EPS15L1: variants seen among roughly 807,000 people sequenced by gnomAD.
The protein encoded by EPS15L1 is epidermal growth factor receptor substrate 15-like 1.
A neutral mutation model predicts 117.1 loss-of-function variants in EPS15L1; 43 were observed. The observed-to-expected ratio is 0.37, with a 90% CI of 0.29 to 0.47. EPS15L1 has a LOEUF of 0.47. EPS15L1 is among the 20% of genes least tolerant of loss of function. The pLI is 0.99. For synonymous variants in EPS15L1, 459 were observed against 470.5 expected (o/e 0.98, Z 0.32); for missense variants, 981 against 1,164.0 (o/e 0.84, Z 2.29).
chr19:16,403,230 G>A (rs958381027), intron 15 of EPS15L1, among the ~76,000 whole-genome samples: 2 of 151,674 alleles, frequency 1.3e-5, no homozygotes, highest in East Asian at 3.9e-4. Flanking sequence ...AGAAGCCAGC[G>A]CCCCCCCCTG....
intron 16 of EPS15L1, among the ~76,000 whole-genome samples, chr19:16,399,334 C>T (rs971579992): frequency 1.2e-4 from 19 of 152,118 alleles, no homozygotes; most frequent in Non-Finnish European, 2.2e-4. Context: ...GAGAACAGAC[C>T]CATCTGCCAA....
intron 22 of EPS15L1, among the ~76,000 whole-genome samples, chr19:16,373,913 A>T (rs1420545925): frequency 6.6e-6 from 1 of 152,240 alleles, no homozygotes; most frequent in Admixed American, 6.5e-5. Flanking sequence ...GTCTGTACCT[A>T]CCACCCAGCA....
chr19:16,419,321 T>A (rs976067673), intron 10 of EPS15L1, among the ~76,000 whole-genome samples: 1 of 152,106 alleles, frequency 6.6e-6, no homozygotes, highest in Non-Finnish European at 1.5e-5. Context: ...TAGCCGGGCA[T>A]GGTGGCGCGC....
intron 22 of EPS15L1, among the ~76,000 whole-genome samples, chr19:16,372,346 T>C (rs991468660): frequency 1.1e-4 from 16 of 152,166 alleles, no homozygotes; most frequent in African/African-American, 3.6e-4. Flanking sequence ...TTCACCTCAA[T>C]TGACCTTTAA....
At chr19:16,357,991 C>G (rs1168791190) in intron 23 of EPS15L1, 1 of 152,274 alleles carries the variant, frequency 6.6e-6, no homozygotes, top group Non-Finnish European at 1.5e-5. Flanking sequence ...GTGCAGCTGA[C>G]GGGGACCTCA....
intron 13 of EPS15L1, among the ~76,000 whole-genome samples, chr19:16,408,887 G>A (rs2092681803): frequency 1.3e-5 from 2 of 152,136 alleles, no homozygotes; most frequent in African/African-American, 2.4e-5. Context: ...CCTTGACAAG[G>A]ATGCTAGGGC....
chr19:16,357,111 C>T (rs1568383331), intron 23 of EPS15L1: 2 of 152,570 alleles, frequency 1.3e-5, no homozygotes, highest in African/African-American at 4.8e-5. Context: ...CAGACTAACC[C>T]AGGAAGGTGG....
intron 8 of EPS15L1, among the ~76,000 whole-genome samples, chr19:16,428,377 CAA>C (rs1213684745): frequency 2.9e-5 from 2 of 68,538 alleles, no homozygotes; most frequent in Non-Finnish European, 6.2e-5. Flanking sequence ...CATCTAAAAA[CAA>C]AAAAAAAAAG....
intron 9 of EPS15L1, among the ~76,000 whole-genome samples, chr19:16,422,526 A>G (rs1484698945): frequency 2.0e-5 from 3 of 152,188 alleles, no homozygotes; most frequent in Admixed American, 6.5e-5. Flanking sequence ...GAGAAAAAGG[A>G]CAGGCAAATG....
In EPS15L1 at chr19:16,441,970, T is replaced by C. The variant is rs376565550; in HGVS notation, c.87A>G (p.Ala29=). 2.3e-5 allele frequency: 37 copies of C among 1,613,386 alleles called. No individual in the cohort carries two copies. Among genetic ancestry groups the C allele is most frequent in the Non-Finnish European group, 2.9e-5 (34 of 1,179,794 alleles). Reference sequence around the variant, plus strand: ...CACTCGCCCCCACCCTCCCTGTGTATGCCGGATCGACCTGAAATGGGAGAC... The same window carrying C: ...CACTCGCCCCCACCCTCCCTGTGTACGCCGGATCGACCTGAAATGGGAGAC... ...YESYYKQVDP[A]YTGRVGASEA... Residue 29 remains alanine, a synonymous_variant, in exon 3 of 24, where the codon GCA becomes GCG. Coordinates refer to ENST00000455140, the MANE Select transcript of EPS15L1 (RefSeq NM_001258374.3).
At chr19:16,462,375 G>A (rs112508806) in intron 1 of EPS15L1, among the ~76,000 whole-genome samples, 5 of 151,356 alleles carry the variant, frequency 3.3e-5, no homozygotes, top group East Asian at 1.9e-4. Context: ...TCAGGGAAGT[G>A]GGGGGGAGGG....
chr19:16,408,085 C>A lies in EPS15L1; in HGVS notation c.1267-3336G>T, dbSNP rs532206086. Among the ~76,000 whole-genome samples the A allele has an allele frequency of 6.6e-5, 10 of 152,148 alleles. No individual in the cohort carries two copies. In the East Asian group the frequency reaches 1.9e-3, roughly 29 times the overall value. Reference sequence around the variant, plus strand: ...AAGGGAAGATGGGAAGAGCGTTAGGCCGGATGGGGTAGCTCTGGACACCAG... The same window carrying A: ...AAGGGAAGATGGGAAGAGCGTTAGGACGGATGGGGTAGCTCTGGACACCAG... On this transcript the variant is annotated intron_variant, in intron 13 of 23. Transcript: ENST00000455140.
At chr19:16,414,620 T>C (rs929049940) in intron 12 of EPS15L1, among the ~76,000 whole-genome samples, 9 of 151,972 alleles carry the variant, frequency 5.9e-5, no homozygotes, top group Non-Finnish European at 1.0e-4. Context: ...AGGATAGTCT[T>C]GATCTCCTGA....
At chr19:16,387,570 G>T (rs531488514) in intron 19 of EPS15L1, among the ~76,000 whole-genome samples, 5 of 152,200 alleles carry the variant, frequency 3.3e-5, no homozygotes, top group Non-Finnish European at 7.3e-5. Flanking sequence ...TTATGCCATT[G>T]CACTGCAGCC....
At position 16,436,963 on chromosome 19, in the gene EPS15L1, A is replaced by G; in HGVS notation, c.346T>C (p.Ser116Pro). Reference protein sequence around the residue: ...TSSPLMVTPPSAEAHWAVRVE... With the variant: ...TSSPLMVTPPPAEAHWAVRVE... ...CTCACAGCCCAGTGGGCCTCTGCAG[A>G]GGGCGGTGTGACCATCAGAGGGCTG... is the stretch of plus-strand genomic sequence containing the variant. Residue 116 changes from serine (S) to proline (P), a missense_variant, in exon 6 of 24, where the codon TCT becomes CCT. Physicochemically the swap from Ser to Pro is moderately conservative, Grantham distance 74. Coordinates refer to ENST00000455140, the MANE Select transcript of EPS15L1 (RefSeq NM_001258374.3). The G allele has an allele frequency of 6.2e-7, 1 of 1,614,094 alleles. No individual in the cohort carries two copies. The highest frequency in any genetic ancestry group is 8.5e-7 in the Non-Finnish European group (1 of 1,179,932).
intron 7 of EPS15L1, 136 bp from the exon 8 acceptor site, chr19:16,428,897 C>T (rs553460934): frequency 1.5e-6 from 1 of 662,996 alleles, no homozygotes; most frequent in South Asian, 1.8e-5. Flanking sequence ...ATTTCAGGAC[C>T]AGTCCGCGAG....
chr19:16,385,191 G>A lies in EPS15L1; in HGVS notation c.2185C>T (p.Pro729Ser). Residue 729 changes from proline to serine, a missense_variant, in exon 21 of 24, where the codon CCC becomes TCC. This residue lies in a region of EPS15L1 where 819 missense variants were observed against 949.0 expected (regional missense o/e 0.86). Coordinates refer to ENST00000455140, the MANE Select transcript of EPS15L1 (RefSeq NM_001258374.3). ...KGSDPFGTLD[P>S]FGSGSFNSAE... ...CTATTGAAGGACCCACTTCCGAAGG[G>A]ATCTAAGGTTCCAAAGGGATCTGCA... is the stretch of plus-strand genomic sequence containing the variant. 2 of 1,614,106 alleles carry A rather than the reference G, an allele frequency of 1.2e-6. No individual in the cohort carries two copies. The highest frequency in any genetic ancestry group is 1.7e-6 in the Non-Finnish European group (2 of 1,180,002).
intron 1 of EPS15L1, among the ~76,000 whole-genome samples, chr19:16,464,181 G>A (rs2093278901): frequency 6.6e-6 from 1 of 152,242 alleles, no homozygotes; most frequent in South Asian, 2.1e-4. Flanking sequence ...AGGCAGTGCA[G>A]ATGGAAATCC....
chr19:16,418,225 C>A, intron 10 of EPS15L1, 121 bp from the exon 11 acceptor site: 1 of 1,094,098 alleles, frequency 9.1e-7, no homozygotes, highest in East Asian at 2.5e-5. Flanking sequence ...GGCGTGGTGG[C>A]AAGCCCCAGC....
Sources: gnomAD v4.1 joint callset for allele counts (sites outside exome capture counted in the v4.1 genomes callset) on GRCh38, gnomAD v4.1.1 for gene constraint, gnomAD v4.1.1 regional missense constraint, MANE v1.5 for transcripts, NCBI Gene and HGNC (gene_info 2026-07-23, HGNC 2026-07-21) for gene names.